Variants in NXPH1 observed in about 807,000 individuals in gnomAD.
NXPH1 encodes neurexophilin 1.
NXPH1 carries 5 observed loss-of-function variants against 23.7 expected under a neutral mutation model. That is an observed-to-expected ratio of 0.21 (90% confidence interval 0.11 to 0.44). NXPH1 has a LOEUF of 0.44. NXPH1 is among the 20% of genes least tolerant of loss of function. The pLI is 0.99. For synonymous variants in NXPH1, 144 were observed against 122.2 expected, an observed-to-expected ratio of 1.18 and a Z score of -1.18; for missense variants, 324 against 321.6, an observed-to-expected ratio of 1.01 and a Z score of -0.06.
intron 2 of NXPH1, among the ~76,000 whole-genome samples, chr7:8,517,906 C>T (rs1374386772): frequency 3.3e-5 from 5 of 152,086 alleles, no homozygotes; most frequent in Non-Finnish European, 5.9e-5. Flanking sequence ...TTTTGGTGAA[C>T]AGAATTGTTT....
chr7:8,633,926 C>G (rs533054001), intron 2 of NXPH1, among the ~76,000 whole-genome samples: 1 of 152,254 alleles, frequency 6.6e-6, no homozygotes, highest in East Asian at 1.9e-4. Context: ...TATGCTGGGC[C>G]AGTTTCCTTA....
At chr7:8,746,109 G>C (rs1780466324) in intron 2 of NXPH1, among the ~76,000 whole-genome samples, 1 of 152,136 alleles carries the variant, frequency 6.6e-6, no homozygotes, top group Non-Finnish European at 1.5e-5. Context: ...ATTGATGTTT[G>C]CATTTCTTTA....
At chr7:8,683,137 C>T (rs943920566) in intron 2 of NXPH1, among the ~76,000 whole-genome samples, 1 of 152,044 alleles carries the variant, frequency 6.6e-6, no homozygotes, top group African/African-American at 2.4e-5. Context: ...TTATCCAGGT[C>T]GAAGGTGAAG....
intron 2 of NXPH1, among the ~76,000 whole-genome samples, chr7:8,602,985 A>G (rs905414217): frequency 1.3e-5 from 2 of 151,952 alleles, no homozygotes; most frequent in Admixed American, 1.3e-4. Context: ...TAATTTTTGT[A>G]TTTTTAGTAG....
At chr7:8,598,559 T>G (rs1265393200) in intron 2 of NXPH1, among the ~76,000 whole-genome samples, 1 of 152,152 alleles carries the variant, frequency 6.6e-6, no homozygotes, top group Non-Finnish European at 1.5e-5. Context: ...ACAATTAGGA[T>G]GAGTTTTCTT....
At chr7:8,672,871 CT>C (rs1178544899) in intron 2 of NXPH1, among the ~76,000 whole-genome samples, 1 of 152,164 alleles carries the variant, frequency 6.6e-6, no homozygotes, top group Non-Finnish European at 1.5e-5. Flanking sequence ...AGCATCTGTT[CT>C]TTCCCCTGTG....
chr7:8,470,952 G>T (rs1816863113), intron 2 of NXPH1, among the ~76,000 whole-genome samples: 1 of 152,020 alleles, frequency 6.6e-6, no homozygotes, highest in African/African-American at 2.4e-5. Flanking sequence ...GTTCAGAGAG[G>T]ATCTTACAAA....
chr7:8,458,632 C>T (rs10268338), intron 2 of NXPH1, among the ~76,000 whole-genome samples: 90,138 of 152,038 alleles, frequency 0.59, 29,389 homozygotes, highest in African/African-American at 0.87. Context: ...TACAATAAAC[C>T]GCTCTCAGTC....
chr7:8,644,215 C>G (rs1294610023), intron 2 of NXPH1, among the ~76,000 whole-genome samples: 1 of 152,198 alleles, frequency 6.6e-6, no homozygotes, highest in Non-Finnish European at 1.5e-5. Flanking sequence ...ACCTGGGAAG[C>G]AAATGTCAGT....
At chr7:8,505,294 T>G (rs1453042344) in intron 2 of NXPH1, among the ~76,000 whole-genome samples, 2 of 151,926 alleles carry the variant, frequency 1.3e-5, no homozygotes, top group Non-Finnish European at 2.9e-5. Context: ...TCCTAATAAT[T>G]TGGACTCATT....
intron 2 of NXPH1, among the ~76,000 whole-genome samples, chr7:8,537,931 C>T (rs1393723492): frequency 6.6e-6 from 1 of 151,820 alleles, no homozygotes; most frequent in Non-Finnish European, 1.5e-5. Context: ...GTTCAACTCA[C>T]TCGTGTGAAA....
At chr7:8,557,621 T>G (rs1330357439) in intron 2 of NXPH1, among the ~76,000 whole-genome samples, 2 of 151,578 alleles carry the variant, frequency 1.3e-5, no homozygotes, top group African/African-American at 4.8e-5. Flanking sequence ...AGTAATGGGG[T>G]TTTACCCATT....
intron 2 of NXPH1, among the ~76,000 whole-genome samples, chr7:8,657,211 G>A (rs952290668): frequency 2.0e-5 from 3 of 152,148 alleles, no homozygotes; most frequent in Admixed American, 1.3e-4. Flanking sequence ...TGAATTAAAA[G>A]AGCAAAAAAC....
chr7:8,670,127 C>A (rs978160656), intron 2 of NXPH1, among the ~76,000 whole-genome samples: 2 of 152,186 alleles, frequency 1.3e-5, no homozygotes, highest in Non-Finnish European at 2.9e-5. Context: ...GGCCTTCTGG[C>A]ATTTGGAATG....
chr7:8,689,735 T>C (rs1484729622), intron 2 of NXPH1, among the ~76,000 whole-genome samples: 1 of 152,186 alleles, frequency 6.6e-6, no homozygotes, highest in Non-Finnish European at 1.5e-5. Flanking sequence ...ATGCAATTTA[T>C]AGAAATTAGC....
intron 2 of NXPH1, among the ~76,000 whole-genome samples, chr7:8,565,854 C>T (rs1195611008): frequency 1.3e-5 from 2 of 151,752 alleles, no homozygotes; most frequent in Non-Finnish European, 2.9e-5. Flanking sequence ...TTTAGGGCCA[C>T]AAATTCAATA....
chr7:8,737,312 G>A (rs928600869), intron 2 of NXPH1, among the ~76,000 whole-genome samples: 15 of 152,242 alleles, frequency 9.9e-5, no homozygotes, highest in Non-Finnish European at 1.3e-4. Flanking sequence ...AGGAGCTCTC[G>A]TAAGGCAGGC....
At chr7:8,673,411 G>A (rs1267197883) in intron 2 of NXPH1, among the ~76,000 whole-genome samples, 2 of 152,108 alleles carry the variant, frequency 1.3e-5, no homozygotes, top group African/African-American at 2.4e-5. Context: ...CCACTATGAA[G>A]AAATAATATT....
At chr7:8,448,582 C>T (rs1391790201) in intron 2 of NXPH1, among the ~76,000 whole-genome samples, 8 of 151,962 alleles carry the variant, frequency 5.3e-5, no homozygotes, top group Non-Finnish European at 7.4e-5. Flanking sequence ...TTTGGGAGGC[C>T]GAGGCGGGCG....
Sources: allele counts gnomAD v4.1 joint callset (sites outside exome capture counted in the v4.1 genomes callset), GRCh38; gene constraint gnomAD v4.1.1; transcripts MANE v1.5; gene names NCBI Gene and HGNC (gene_info 2026-07-23, HGNC 2026-07-21).